The following CADPS variants were observed in gnomAD, a reference collection of about 807,000 sequenced individuals.
CADPS encodes the protein calcium dependent secretion activator.
Under a neutral mutation model 167.3 loss-of-function variants are expected in CADPS, and 57 were observed. That is an observed-to-expected ratio of 0.34 (90% confidence interval 0.28 to 0.42). The LOEUF is 0.42. CADPS is among the 20% of genes least tolerant of loss of function. The pLI, the probability that CADPS is intolerant of heterozygous loss-of-function variation, is 1.00. For synonymous variants in CADPS, 676 were observed against 635.3 expected (o/e 1.06, Z -0.96); for missense variants, 1,414 against 1,738.1 (o/e 0.81, Z 3.32).
At chr3:62,682,883 T>A (rs1040197079) in intron 3 of CADPS, among the ~76,000 whole-genome samples, 4 of 152,214 alleles carry the variant, frequency 2.6e-5, no homozygotes, top group South Asian at 4.1e-4. Flanking sequence ...AAGAGATAAC[T>A]GCTGCAAAGG....
chr3:62,541,253 G>A (rs1328000461), intron 11 of CADPS, among the ~76,000 whole-genome samples: 1 of 152,058 alleles, frequency 6.6e-6, no homozygotes, highest in East Asian at 1.9e-4. Flanking sequence ...GGTCTTCAAG[G>A]GCTCCAGATG....
At chr3:62,853,636 A>AG (rs1484989461) in intron 1 of CADPS, among the ~76,000 whole-genome samples, 16 of 143,632 alleles carry the variant, frequency 1.1e-4, no homozygotes, top group Non-Finnish European at 1.8e-4. Context: ...AAAAAAAAAA[A>AG]AAAGAAAAGA....
chr3:62,655,902 GA>G (rs2071436555), intron 4 of CADPS, among the ~76,000 whole-genome samples: 1 of 152,102 alleles, frequency 6.6e-6, no homozygotes, highest in African/African-American at 2.4e-5. Context: ...GGACATGCCA[GA>G]AAGTGACCAG....
chr3:62,703,256 C>G (rs914806036), intron 3 of CADPS, among the ~76,000 whole-genome samples: 4 of 152,166 alleles, frequency 2.6e-5, no homozygotes, highest in Non-Finnish European at 4.4e-5. Flanking sequence ...CAATTCACAT[C>G]TCTAGCTGAA....
intron 1 of CADPS, among the ~76,000 whole-genome samples, chr3:62,773,780 T>C (rs2089552102): frequency 6.6e-6 from 1 of 152,168 alleles, no homozygotes; most frequent in South Asian, 2.1e-4. Flanking sequence ...TTAGAAAAAA[T>C]GTAAAATTCT....
intron 1 of CADPS, among the ~76,000 whole-genome samples, chr3:62,818,273 C>T (rs900084112): frequency 3.3e-5 from 5 of 151,988 alleles, no homozygotes; most frequent in Non-Finnish European, 7.4e-5. Context: ...CTTCAGGGAC[C>T]CACACTACAT....
intron 3 of CADPS, among the ~76,000 whole-genome samples, chr3:62,701,125 T>C (rs1211667754): frequency 6.6e-6 from 1 of 152,060 alleles, no homozygotes; most frequent in Admixed American, 6.5e-5. Flanking sequence ...ACTATCACGC[T>C]GAACGTTACG....
At chr3:62,639,038 C>A (rs2066887242) in intron 6 of CADPS, among the ~76,000 whole-genome samples, 1 of 152,036 alleles carries the variant, frequency 6.6e-6, no homozygotes, top group Non-Finnish European at 1.5e-5. Context: ...AGTCTGCCCA[C>A]CTTCACCCTC....
At chr3:62,728,797 G>A (rs1379107586) in intron 3 of CADPS, among the ~76,000 whole-genome samples, 1 of 151,768 alleles carries the variant, frequency 6.6e-6, no homozygotes, top group Non-Finnish European at 1.5e-5. Context: ...AATATTGTAA[G>A]CTTGACTTGG....
At position 62,640,753 on chromosome 3, in the gene CADPS, A is replaced by C. The variant is rs952995228; in HGVS notation, c.1325+4969T>G. Reference sequence around the variant, plus strand: ...TTCAGTAGAATATAATTTCAGATACATTAGCACAATACTGGGTTGCTAATT... The same window carrying C: ...TTCAGTAGAATATAATTTCAGATACCTTAGCACAATACTGGGTTGCTAATT... On this transcript the variant is annotated intron_variant, in intron 6 of 29. Transcript: ENST00000383710. Among the ~76,000 whole-genome samples the C allele has an allele frequency of 9.8e-5, 15 of 152,328 alleles. No individual in the cohort carries two copies. The Middle Eastern group carries it at 0.01, about 104-fold the overall frequency.
At chr3:62,858,923 TA>T (rs1248536056) in intron 1 of CADPS, among the ~76,000 whole-genome samples, 1 of 152,292 alleles carries the variant, frequency 6.6e-6, no homozygotes, top group East Asian at 1.9e-4. Flanking sequence ...TTTGGATTTT[TA>T]AAAAAACTTA....
intron 8 of CADPS, among the ~76,000 whole-genome samples, chr3:62,578,846 A>G (rs1188562105): frequency 6.6e-6 from 1 of 152,140 alleles, no homozygotes; most frequent in Non-Finnish European, 1.5e-5. Flanking sequence ...AGAAGTCAAC[A>G]AGGGAGATAA....
intron 24 of CADPS, chr3:62,470,718 A>G (rs1233619092): frequency 1.3e-5 from 2 of 152,216 alleles, no homozygotes; most frequent in Non-Finnish European, 2.9e-5. Flanking sequence ...GAAAAATGTC[A>G]CGAAAGATCT....
At chr3:62,457,001 A>C (rs527685153) in intron 26 of CADPS, among the ~76,000 whole-genome samples, 15 of 152,268 alleles carry the variant, frequency 9.9e-5, no homozygotes, top group Non-Finnish European at 1.9e-4. Flanking sequence ...CTTCGATTGA[A>C]TGCACTCTAG....
At chr3:62,539,556 A>G (rs2075341422) in intron 11 of CADPS, among the ~76,000 whole-genome samples, 1 of 151,748 alleles carries the variant, frequency 6.6e-6, no homozygotes, top group Non-Finnish European at 1.5e-5. Flanking sequence ...GTAAGCCAGG[A>G]GTGCTGTTTC....
At chr3:62,748,011 CTA>C (rs2081850887) in intron 3 of CADPS, among the ~76,000 whole-genome samples, 1 of 151,828 alleles carries the variant, frequency 6.6e-6, no homozygotes, top group Admixed American at 6.6e-5. Context: ...TAAGAAGAGT[CTA>C]TTTGCCTTTA....
In CADPS at chr3:62,498,962, A is replaced by G. The variant is rs190459186; in HGVS notation, c.2706+200T>C. ...AACATCTGAAAACTTAGGCCGAAAC[A>G]TACAACATGCAACCACTTTTTGGTT... On this transcript the variant is annotated intron_variant, in intron 18 of 29. Transcript: ENST00000383710. Among the ~76,000 whole-genome samples the G allele has an allele frequency of 5.3e-5, 8 of 152,352 alleles. No individual in the cohort carries two copies. The East Asian group carries it at 1.5e-3, about 29-fold the overall frequency.
At chr3:62,578,332 C>T (rs1010971247) in intron 8 of CADPS, among the ~76,000 whole-genome samples, 11 of 151,814 alleles carry the variant, frequency 7.2e-5, no homozygotes, top group South Asian at 2.1e-4. Flanking sequence ...ACATAACAGC[C>T]GGGTGTGGTG....
At chr3:62,788,668 CT>C (rs954012993) in intron 1 of CADPS, among the ~76,000 whole-genome samples, 2 of 152,110 alleles carry the variant, frequency 1.3e-5, no homozygotes, top group Non-Finnish European at 2.9e-5. Flanking sequence ...CAGACAGGGT[CT>C]TTCTTAAATA....
Sources: allele counts gnomAD v4.1 joint callset (sites outside exome capture counted in the v4.1 genomes callset), GRCh38; gene constraint gnomAD v4.1.1; transcripts MANE v1.5; gene names NCBI Gene and HGNC (gene_info 2026-07-23, HGNC 2026-07-21).